Variants in CCDC192 observed in about 807,000 individuals in gnomAD.
The protein encoded by CCDC192 is coiled-coil domain containing 192.
chr5:127,894,014 T>G (rs1167150489), intron 6 of CCDC192, among the ~76,000 whole-genome samples: 1 of 148,060 alleles, frequency 6.8e-6, no homozygotes, highest in Non-Finnish European at 1.5e-5. Context: ...GGAAAATTGC[T>G]TAAGCCTTTG....
intron 3 of CCDC192, among the ~76,000 whole-genome samples, chr5:127,791,622 C>T (rs967185883): frequency 1.3e-5 from 2 of 152,158 alleles, no homozygotes; most frequent in African/African-American, 4.8e-5. Flanking sequence ...AGAATAGAGA[C>T]TTCAGTAACC....
At chr5:127,810,484 G>C (rs1485639551) in intron 5 of CCDC192, among the ~76,000 whole-genome samples, 1 of 152,184 alleles carries the variant, frequency 6.6e-6, no homozygotes, top group African/African-American at 2.4e-5. Flanking sequence ...TAGTCTAGCT[G>C]TATACCCAGA....
intron 6 of CCDC192, among the ~76,000 whole-genome samples, chr5:127,931,110 G>A (rs757285345): frequency 1.9e-4 from 29 of 152,182 alleles, no homozygotes; most frequent in Non-Finnish European, 3.1e-4. Context: ...CTGCATGGTG[G>A]TGGTAACTGT....
rs80149770 is a variant in CCDC192, at chr5:127,787,220, C to T, written c.223-9883C>T. Among the ~76,000 whole-genome samples the T allele has an allele frequency of 4.7e-3, 712 of 152,296 alleles. 3 individuals are homozygous for T. The highest frequency in any genetic ancestry group is 0.02 in the Middle Eastern group (6 of 294). On this transcript the variant is annotated intron_variant, in intron 3 of 6. Transcript: ENST00000514853. ...GGCAAACTCACATCTCCATGGTACC[C>T]AAAAGGCTCCCCTGATGCCTCCACC...
chr5:127,920,407 CTTTT>C (rs11388727), intron 6 of CCDC192, among the ~76,000 whole-genome samples: 5 of 115,796 alleles, frequency 4.3e-5, no homozygotes, highest in South Asian at 2.8e-4. Flanking sequence ...ACTGAAGAGG[CTTTT>C]TTTTTTTTTT....
chr5:127,747,673 A>G (rs1250852274), intron 2 of CCDC192, among the ~76,000 whole-genome samples: 1 of 152,072 alleles, frequency 6.6e-6, no homozygotes, highest in East Asian at 1.9e-4. Context: ...ATCCCTGGGG[A>G]ATCACCACAC....
At chr5:127,928,268 G>A (rs1350269263) in intron 6 of CCDC192, among the ~76,000 whole-genome samples, 1 of 152,180 alleles carries the variant, frequency 6.6e-6, no homozygotes, top group Non-Finnish European at 1.5e-5. Flanking sequence ...TCCAACAGGT[G>A]TCACCTGACT....
chr5:127,883,543 A>G (rs1752435628), intron 6 of CCDC192, among the ~76,000 whole-genome samples: 1 of 152,226 alleles, frequency 6.6e-6, no homozygotes, highest in African/African-American at 2.4e-5. Flanking sequence ...TTGTCCACTG[A>G]AAGTATTTTC....
intron 6 of CCDC192, among the ~76,000 whole-genome samples, chr5:127,894,453 A>G (rs1271235740): frequency 6.6e-6 from 1 of 152,050 alleles, no homozygotes. Flanking sequence ...GGCCTCCCAA[A>G]GTGCTAGGAT....
rs190151684 is a variant in CCDC192 at position 127,768,468 on chromosome 5, G to C, written c.222+14093G>C. ...CCGTTAGAAGCTAGGAGAGGGGCTG[G>C]AATAGATTCTCCCTCACAGCCCTCA... On this transcript the variant is annotated intron_variant, in intron 3 of 6. Coordinates refer to ENST00000514853, the MANE Select transcript of CCDC192 (RefSeq NM_001317938.2). 5.3e-5 allele frequency among the ~76,000 whole-genome samples: 8 copies of C among 152,268 alleles called. 1 individual carries two copies. The highest frequency in any genetic ancestry group is 5.2e-4 in the Admixed American group (8 of 15,290).
intron 3 of CCDC192, among the ~76,000 whole-genome samples, chr5:127,792,694 A>G (rs1334426770): frequency 6.6e-6 from 1 of 151,824 alleles, no homozygotes; most frequent in African/African-American, 2.4e-5. Flanking sequence ...TGACAGAGCC[A>G]GACCCTATCT....
intron 3 of CCDC192, chr5:127,784,866 T>C (rs1313275184): frequency 4.4e-6 from 2 of 454,222 alleles, no homozygotes; most frequent in African/African-American, 4.1e-5. Flanking sequence ...TGTTCCTGCT[T>C]CTGTTCAGTT....
At chr5:127,909,163 C>T (rs1753277190) in intron 6 of CCDC192, among the ~76,000 whole-genome samples, 1 of 152,108 alleles carries the variant, frequency 6.6e-6, no homozygotes, top group African/African-American at 2.4e-5. Flanking sequence ...ACAAGATCAA[C>T]CCCTGGGCGA....
intron 5 of CCDC192, among the ~76,000 whole-genome samples, chr5:127,800,040 A>T (rs1757393947): frequency 1.3e-5 from 2 of 152,120 alleles, no homozygotes; most frequent in Non-Finnish European, 2.9e-5. Flanking sequence ...TGGAATCTTA[A>T]AAAGATTAGA....
At chr5:127,885,610 A>G (rs1207952678) in intron 6 of CCDC192, among the ~76,000 whole-genome samples, 4 of 152,222 alleles carry the variant, frequency 2.6e-5, no homozygotes, top group African/African-American at 7.2e-5. Flanking sequence ...GAGATTAGCT[A>G]CATTGGTCAT....
intron 2 of CCDC192, among the ~76,000 whole-genome samples, chr5:127,748,925 A>G (rs1322889034): frequency 6.6e-6 from 1 of 151,876 alleles, no homozygotes; most frequent in Admixed American, 6.6e-5. Flanking sequence ...TTGTTGGTGT[A>G]TAGGAATGCC....
intron 6 of CCDC192, among the ~76,000 whole-genome samples, chr5:127,880,464 AG>A (rs1752303782): frequency 1.7e-5 from 1 of 58,262 alleles, no homozygotes. Flanking sequence ...GGGTGGGGGG[AG>A]GGGGGAGGGA....
At chr5:127,846,040 C>T (rs1218205424) in intron 5 of CCDC192, among the ~76,000 whole-genome samples, 2 of 152,048 alleles carry the variant, frequency 1.3e-5, no homozygotes, top group Non-Finnish European at 2.9e-5. Context: ...CCTGTAATCC[C>T]AGCACTTTGG....
chr5:127,859,549 T>G (rs1205590681), intron 5 of CCDC192, among the ~76,000 whole-genome samples: 1 of 152,132 alleles, frequency 6.6e-6, no homozygotes, highest in Non-Finnish European at 1.5e-5. Flanking sequence ...TTAAAGGTTT[T>G]TTTTTGTTTT....
Sources: allele counts gnomAD v4.1 joint callset (sites outside exome capture counted in the v4.1 genomes callset), GRCh38; gene constraint gnomAD v4.1.1; transcripts MANE v1.5; gene names NCBI Gene and HGNC (gene_info 2026-07-23, HGNC 2026-07-21).